The following PCDHA6 variants were observed in gnomAD, a reference collection of about 807,000 sequenced individuals.
PCDHA6 encodes protocadherin alpha-6.
PCDHA6 carries 55 observed loss-of-function variants against 60.3 expected under a neutral mutation model. The observed-to-expected ratio is 0.91, with a 90% CI of 0.73 to 1.14. The LOEUF is 1.14. Ranked by LOEUF, PCDHA6 falls within the 50% of genes most tolerant of loss-of-function variation. PCDHA6 has a pLI of 0.00. For synonymous variants in PCDHA6, 652 were observed against 557.9 expected (o/e 1.17, Z -2.38); for missense variants, 1,327 against 1,256.5 (o/e 1.06, Z -0.85).
intron 1 of PCDHA6, among the ~76,000 whole-genome samples, chr5:140,955,465 T>C (rs2095187437): frequency 6.6e-6 from 1 of 152,128 alleles, no homozygotes; most frequent in Non-Finnish European, 1.5e-5. Flanking sequence ...TTTTCCTTTT[T>C]GCTTGGCACC....
chr5:140,848,048 A>G, intron 1 of PCDHA6: 1 of 161,290 alleles, frequency 6.2e-6, no homozygotes, highest in Admixed American at 5.8e-5. Context: ...GAATCATTTT[A>G]ATTGTTACTT....
chr5:140,892,250 T>G (rs781827855), intron 1 of PCDHA6, among the ~76,000 whole-genome samples: 2 of 152,182 alleles, frequency 1.3e-5, no homozygotes, highest in Non-Finnish European at 2.9e-5. Flanking sequence ...AACCTGGTTA[T>G]CTTTGATTTT....
At chr5:140,944,718 G>A (rs1554216523) in intron 1 of PCDHA6, among the ~76,000 whole-genome samples, 1 of 152,088 alleles carries the variant, frequency 6.6e-6, no homozygotes, top group East Asian at 1.9e-4. Flanking sequence ...TTTTGCCTTT[G>A]AACACCTTAG....
In PCDHA6 at chr5:140,877,367, G is replaced by C. The variant is rs201967192; in HGVS notation, c.2394+46882G>C. On this transcript the variant is annotated intron_variant, in intron 1 of 3. Transcript: ENST00000529310. ...GTGGGGCTGTACACTGGCGAGATCA[G>C]CACGACACGCATCCTGGATGAGGCG... is the stretch of plus-strand genomic sequence containing the variant. 1.0e-4 allele frequency: 167 copies of C among 1,614,018 alleles called. No homozygotes were observed. The highest frequency in any genetic ancestry group is 4.9e-4 in the Middle Eastern group (3 of 6,062).
chr5:140,878,848 G>T (rs1477391344), intron 1 of PCDHA6, among the ~76,000 whole-genome samples: 1 of 152,138 alleles, frequency 6.6e-6, no homozygotes, highest in Non-Finnish European at 1.5e-5. Context: ...GAACTTCTGG[G>T]TTCAACTGAT....
At position 140,884,470 on chromosome 5, in the gene PCDHA6, G is replaced by A. The variant is rs1453696477; in HGVS notation, c.2394+53985G>A. The A allele has an allele frequency of 2.5e-6, 4 of 1,613,644 alleles. No homozygotes were observed. Among genetic ancestry groups the A allele is most frequent in the South Asian group, 2.2e-5 (2 of 91,036 alleles). On this transcript the variant is annotated intron_variant, in intron 1 of 3. Coordinates refer to ENST00000529310, the MANE Select transcript of PCDHA6 (RefSeq NM_018909.4). The stretch of plus-strand genomic sequence containing the variant: ...CGCCCACCGAGGGCGCGTGCGCGCC[G>A]GGCAAGCCCACTCTAGTGTGCTCCA...
At chr5:140,969,120 G>T (rs1333559202) in intron 1 of PCDHA6, 1 of 1,613,970 alleles carries the variant, frequency 6.2e-7, no homozygotes, top group Non-Finnish European at 8.5e-7. Flanking sequence ...CGAGGGAATG[G>T]CTCCCTCACC....
At chr5:140,976,594 T>C (rs2096724606) in intron 1 of PCDHA6, among the ~76,000 whole-genome samples, 1 of 152,146 alleles carries the variant, frequency 6.6e-6, no homozygotes, top group Non-Finnish European at 1.5e-5. Flanking sequence ...ACTTTTGTGT[T>C]AAGGGGACCT....
intron 1 of PCDHA6, chr5:140,842,268 A>G (rs1554138931): frequency 2.5e-6 from 4 of 1,610,534 alleles, no homozygotes. Flanking sequence ...GAAAACTTAT[A>G]CAAAATCCTC....
intron 1 of PCDHA6, chr5:140,843,649 T>C: frequency 6.3e-7 from 1 of 1,595,168 alleles, no homozygotes. Context: ...GCCCCTGCCT[T>C]CCTCCTGATC....
At chr5:140,835,591 A>T (rs2150238905) in intron 1 of PCDHA6, 2 of 1,613,686 alleles carry the variant, frequency 1.2e-6, no homozygotes, top group African/African-American at 2.7e-5. Flanking sequence ...ACCTTCAAGA[A>T]TTACTATTCA....
intron 1 of PCDHA6, among the ~76,000 whole-genome samples, chr5:140,832,240 G>A (rs1297938454): frequency 6.6e-6 from 1 of 152,152 alleles, no homozygotes; most frequent in African/African-American, 2.4e-5. Flanking sequence ...GACTTTTTGT[G>A]TTGTCCATGT....
Position 140,961,453 on chromosome 5 carries a change from C to A in PCDHA6, c.2395-17496C>A, listed in dbSNP as rs138800149. On this transcript the variant is annotated intron_variant, in intron 1 of 3. Transcript: ENST00000529310. ...AAAATCACCTAACTACACTGTCTTG[C>A]AGCTGCCTTTCTTTTTTTGTCTTGT... Among the ~76,000 whole-genome samples the A allele has an allele frequency of 2.6e-3, 401 of 152,318 alleles. 1 individual carries two copies. The highest frequency in any genetic ancestry group is 9.2e-3 in the African/African-American group (384 of 41,574).
chr5:140,943,305 CATT>C (rs1322564942), intron 1 of PCDHA6, among the ~76,000 whole-genome samples: 13 of 146,998 alleles, frequency 8.8e-5, no homozygotes, highest in African/African-American at 3.0e-4. Flanking sequence ...TTTGGGAAGT[CATT>C]ATTAGCAATA....
chr5:140,842,154 C>A, intron 1 of PCDHA6: 1 of 1,613,876 alleles, frequency 6.2e-7, no homozygotes, highest in Non-Finnish European at 8.5e-7. Flanking sequence ...GGGGCAATTT[C>A]ATATTCTTTT....
intron 1 of PCDHA6, among the ~76,000 whole-genome samples, chr5:140,908,325 T>C (rs189387427): frequency 6.6e-6 from 1 of 152,172 alleles, no homozygotes; most frequent in African/African-American, 2.4e-5. Flanking sequence ...GTGGAGACCA[T>C]GGGAATTTGA....
chr5:140,902,415 G>C (rs887303649), intron 1 of PCDHA6, among the ~76,000 whole-genome samples: 24 of 152,178 alleles, frequency 1.6e-4, no homozygotes, highest in Admixed American at 1.3e-3. Flanking sequence ...TTGAATAACA[G>C]TGGTGAAAGT....
At chr5:140,944,051 C>G (rs1383787401) in intron 1 of PCDHA6, among the ~76,000 whole-genome samples, 1 of 152,086 alleles carries the variant, frequency 6.6e-6, no homozygotes, top group East Asian at 1.9e-4. Context: ...GATTGGGATA[C>G]AAAAAGGTTT....
chr5:140,943,505 T>C (rs938907371), intron 1 of PCDHA6, among the ~76,000 whole-genome samples: 13 of 152,106 alleles, frequency 8.5e-5, no homozygotes, highest in Non-Finnish European at 1.8e-4. Flanking sequence ...TCAAGGTTCA[T>C]GGAAATGTTG....
Sources: allele counts gnomAD v4.1 joint callset (sites outside exome capture counted in the v4.1 genomes callset), GRCh38; gene constraint gnomAD v4.1.1; transcripts MANE v1.5; gene names NCBI Gene and HGNC (gene_info 2026-07-23, HGNC 2026-07-21).